Variants in ELOVL7 observed in about 807,000 individuals in gnomAD.
The protein encoded by ELOVL7 is very long chain fatty acid elongase 7.
ELOVL7 carries 27 observed loss-of-function variants against 35.7 expected under a neutral mutation model. The observed-to-expected ratio is 0.76, with a 90% CI of 0.56 to 1.04. The LOEUF (loss-of-function observed/expected upper bound fraction) is 1.04. Ranked by LOEUF, ELOVL7 falls within the 50% of genes least tolerant of loss-of-function variation. The pLI, the probability that ELOVL7 is intolerant of heterozygous loss-of-function variation, is 0.00. For synonymous variants in ELOVL7, 113 were observed against 114.6 expected, an observed-to-expected ratio of 0.99 and a Z score of 0.09; for missense variants, 327 against 340.8, an observed-to-expected ratio of 0.96 and a Z score of 0.32.
rs80030795 is a variant in ELOVL7 at position 60,787,675 on chromosome 5, A to T, written c.-34-244T>A. 2.8e-3 allele frequency among the ~76,000 whole-genome samples: 429 copies of T among 152,366 alleles called. 18 individuals carry two copies. In the East Asian group the frequency reaches 0.077, roughly 27 times the overall value. On this transcript the variant is annotated intron_variant, in intron 2 of 8. Coordinates refer to ENST00000508821, the MANE Select transcript of ELOVL7 (RefSeq NM_024930.3). ...ACTGAAAAAGACTAATATTCTATGT[A>T]CAAGACTCAAAAGCAGTAAATGACT...
intron 1 of ELOVL7, among the ~76,000 whole-genome samples, chr5:60,837,504 AC>A (rs1746897721): frequency 1.3e-5 from 2 of 152,292 alleles, no homozygotes; most frequent in East Asian, 1.9e-4. Flanking sequence ...CTAAAAGATG[AC>A]AAACCTTTCA....
intron 1 of ELOVL7, among the ~76,000 whole-genome samples, chr5:60,813,405 T>C (rs1298006896): frequency 6.6e-6 from 1 of 152,174 alleles, no homozygotes; most frequent in Non-Finnish European, 1.5e-5. Flanking sequence ...TTAATCTTAT[T>C]AAGAGAAAAA....
intron 7 of ELOVL7, among the ~76,000 whole-genome samples, chr5:60,760,344 G>A (rs1004322293): frequency 1.3e-5 from 2 of 152,192 alleles, no homozygotes; most frequent in African/African-American, 4.8e-5. Context: ...ACTGGTGTGA[G>A]ACAGTATCTC....
intron 1 of ELOVL7, among the ~76,000 whole-genome samples, chr5:60,822,187 T>C (rs772632015): frequency 2.4e-4 from 36 of 152,254 alleles, no homozygotes; most frequent in Non-Finnish European, 4.4e-4. Flanking sequence ...AATTGGGTAC[T>C]TTGGGGTTGT....
intron 1 of ELOVL7, among the ~76,000 whole-genome samples, chr5:60,802,315 T>C (rs899681300): frequency 2.6e-5 from 4 of 151,982 alleles, no homozygotes; most frequent in African/African-American, 9.7e-5. Flanking sequence ...AGGGAGAGAT[T>C]TGGATTCAGT....
intron 7 of ELOVL7, among the ~76,000 whole-genome samples, chr5:60,759,450 G>A (rs983015119): frequency 6.6e-6 from 1 of 152,062 alleles, no homozygotes; most frequent in East Asian, 1.9e-4. Context: ...AGGAGTCAAG[G>A]TGCTTAAAAG....
rs527253007 is a variant in ELOVL7 at position 60,835,935 on chromosome 5, G to A, written c.-86+8225C>T. Among the ~76,000 whole-genome samples, 3 of 152,144 alleles carry A rather than the reference G, an allele frequency of 2.0e-5. No individual in the cohort carries two copies. The East Asian group carries it at 5.8e-4, about 29-fold the overall frequency. Reference sequence around the variant, plus strand: ...TTGTTGTTAAGCCAATAACCCAGCAGTTGGAGAAGGAAGAAGACTACTAGA... The same window carrying A: ...TTGTTGTTAAGCCAATAACCCAGCAATTGGAGAAGGAAGAAGACTACTAGA... On this transcript the variant is annotated intron_variant, in intron 1 of 8. Transcript: ENST00000508821.
intron 4 of ELOVL7, among the ~76,000 whole-genome samples, chr5:60,769,880 T>C (rs1382537554): frequency 1.3e-5 from 2 of 151,886 alleles, no homozygotes; most frequent in African/African-American, 2.4e-5. Context: ...CAAAACACCA[T>C]CTCTACAAAA....
At chr5:60,819,339 T>C (rs1745751871) in intron 1 of ELOVL7, among the ~76,000 whole-genome samples, 1 of 152,052 alleles carries the variant, frequency 6.6e-6, no homozygotes, top group Non-Finnish European at 1.5e-5. Context: ...ATGGATGAGA[T>C]GGACAATGTA....
chr5:60,824,574 G>A lies in ELOVL7; in HGVS notation c.-86+19586C>T, dbSNP rs1248187491. Among the ~76,000 whole-genome samples, 6 of 152,346 alleles carry A rather than the reference G, an allele frequency of 3.9e-5. 1 individual carries two copies. Among genetic ancestry groups the A allele is most frequent in the Admixed American group, 2.0e-4 (3 of 15,308 alleles). ...TGGATAGATAGGGGAATCCTGGCCA[G>A]TCCACCCAGATCTTTAAATATGGAA... On this transcript the variant is annotated intron_variant, in intron 1 of 8. Coordinates refer to ENST00000508821, the MANE Select transcript of ELOVL7 (RefSeq NM_024930.3).
At chr5:60,799,600 C>T (rs1407376359) in intron 1 of ELOVL7, among the ~76,000 whole-genome samples, 4 of 152,134 alleles carry the variant, frequency 2.6e-5, no homozygotes, top group African/African-American at 9.7e-5. Flanking sequence ...GAACATATAA[C>T]CTTCCAGGAT....
intron 1 of ELOVL7, among the ~76,000 whole-genome samples, chr5:60,808,649 A>T (rs750737439): frequency 3.3e-5 from 5 of 152,234 alleles, no homozygotes; most frequent in Non-Finnish European, 7.3e-5. Flanking sequence ...AAATACTTAT[A>T]TTCATTCCAA....
chr5:60,760,654 T>C (rs1408234927), intron 7 of ELOVL7, among the ~76,000 whole-genome samples: 3 of 152,202 alleles, frequency 2.0e-5, no homozygotes, highest in East Asian at 1.9e-4. Flanking sequence ...TTACATCCCA[T>C]TTGTCAATTT....
chr5:60,776,028 AAC>A (rs989264614), intron 3 of ELOVL7, among the ~76,000 whole-genome samples: 27 of 152,204 alleles, frequency 1.8e-4, no homozygotes, highest in African/African-American at 6.5e-4. Flanking sequence ...AAAAGAAACT[AAC>A]AGAGTAAACA....
At chr5:60,768,710 G>A (rs1028524358) in intron 4 of ELOVL7, 2 of 455,906 alleles carry the variant, frequency 4.4e-6, no homozygotes, top group Non-Finnish European at 8.8e-6. Context: ...AAAAGCCAAG[G>A]GCTCTGATTT....
At chr5:60,788,968 G>A (rs1423659950) in intron 2 of ELOVL7, among the ~76,000 whole-genome samples, 1 of 152,004 alleles carries the variant, frequency 6.6e-6, no homozygotes. Flanking sequence ...ATCACTAAAT[G>A]GTGTGGCACA....
chr5:60,777,382 T>A (rs867710668), intron 3 of ELOVL7, among the ~76,000 whole-genome samples: 5 of 150,742 alleles, frequency 3.3e-5, no homozygotes, highest in Non-Finnish European at 5.9e-5. Context: ...CCGCAAAAAT[T>A]AAAAAAAAAA....
intron 1 of ELOVL7, among the ~76,000 whole-genome samples, chr5:60,800,134 A>G (rs1190069232): frequency 6.6e-6 from 1 of 152,106 alleles, no homozygotes; most frequent in African/African-American, 2.4e-5. Context: ...TCATTTCATA[A>G]GGTCAGCATT....
chr5:60,766,679 G>A (rs773562038), intron 5 of ELOVL7, 49 bp from the exon 6 acceptor site: 6 of 1,541,630 alleles, frequency 3.9e-6, no homozygotes, highest in Non-Finnish European at 5.3e-6. Context: ...TGGAAGAAAA[G>A]CTTATATTTT....
Sources: gnomAD v4.1 joint callset for allele counts (sites outside exome capture counted in the v4.1 genomes callset) on GRCh38, gnomAD v4.1.1 for gene constraint, MANE v1.5 for transcripts, NCBI Gene and HGNC (gene_info 2026-07-23, HGNC 2026-07-21) for gene names.